Variants in CAMTA1 observed in about 807,000 individuals in gnomAD.
CAMTA1 encodes the protein calmodulin binding transcription activator 1, also known as calmodulin-binding transcription activator 1.
In CAMTA1, 27 loss-of-function variants were observed where a neutral mutation model predicts 170.9. The observed-to-expected ratio is 0.16, with a 90% CI of 0.12 to 0.22. The LOEUF (loss-of-function observed/expected upper bound fraction) is 0.22, where lower values mean the gene tolerates loss of function less well. Ranked by LOEUF, CAMTA1 falls within the 10% of genes least tolerant of loss-of-function variation. The pLI is 1.00. For synonymous variants in CAMTA1, 833 were observed against 891.5 expected (o/e 0.93, Z 1.17); for missense variants, 1,619 against 2,217.2 (o/e 0.73, Z 5.42).
intron 3 of CAMTA1, among the ~76,000 whole-genome samples, chr1:6,958,624 G>A (rs542037393): frequency 7.2e-4 from 109 of 152,332 alleles, no homozygotes; most frequent in Middle Eastern, 3.4e-3. Flanking sequence ...AAATTTGAAT[G>A]TGACGCAATA....
intron 3 of CAMTA1, among the ~76,000 whole-genome samples, chr1:6,930,285 G>T (rs895151982): frequency 6.6e-6 from 1 of 152,114 alleles, no homozygotes; most frequent in Non-Finnish European, 1.5e-5. Context: ...GGGTGCTGGC[G>T]TACCATGTTC....
chr1:7,704,322 G>A (rs1029828255), intron 11 of CAMTA1, among the ~76,000 whole-genome samples: 1 of 145,652 alleles, frequency 6.9e-6, no homozygotes, highest in African/African-American at 2.5e-5. Context: ...GCGGGGCTCC[G>A]GGGGCCGTCG....
chr1:7,560,070 G>A (rs989192021), intron 6 of CAMTA1, among the ~76,000 whole-genome samples: 1 of 152,210 alleles, frequency 6.6e-6, no homozygotes, highest in African/African-American at 2.4e-5. Context: ...GGCTGAGGAT[G>A]GATCTAAATG....
At chr1:7,737,203 T>A in intron 14 of CAMTA1, 52 bp from the exon 15 acceptor site, 4 of 1,568,228 alleles carry the variant, frequency 2.6e-6, no homozygotes, top group Non-Finnish European at 3.5e-6. Flanking sequence ...AAAAGTCAGG[T>A]CTGGTCTTGA....
chr1:7,096,026 G>A (rs1642036186), intron 4 of CAMTA1, among the ~76,000 whole-genome samples: 1 of 152,246 alleles, frequency 6.6e-6, no homozygotes, highest in Admixed American at 6.5e-5. Context: ...GGAAAAGGCT[G>A]TTGATTATCT....
intron 3 of CAMTA1, among the ~76,000 whole-genome samples, chr1:6,885,855 C>T (rs1299236986): frequency 6.6e-6 from 1 of 152,162 alleles, no homozygotes; most frequent in South Asian, 2.1e-4. Flanking sequence ...CTTGCTGTTC[C>T]CTTCTCTGCA....
intron 5 of CAMTA1, among the ~76,000 whole-genome samples, chr1:7,349,509 G>A (rs2084490838): frequency 6.6e-6 from 1 of 152,242 alleles, no homozygotes; most frequent in South Asian, 2.1e-4. Context: ...GCCATGACAA[G>A]GCACCGCACA....
At chr1:7,086,113 G>A (rs1640705489) in intron 3 of CAMTA1, among the ~76,000 whole-genome samples, 1 of 152,108 alleles carries the variant, frequency 6.6e-6, no homozygotes, top group South Asian at 2.1e-4. Context: ...CCATACCTTG[G>A]CGGCCGTTTT....
chr1:7,168,910 G>C (rs1246203261), intron 4 of CAMTA1, among the ~76,000 whole-genome samples: 1 of 152,052 alleles, frequency 6.6e-6, no homozygotes, highest in East Asian at 1.9e-4. Flanking sequence ...TTGCTGTAGG[G>C]GTTTTATTTG....
intron 5 of CAMTA1, among the ~76,000 whole-genome samples, chr1:7,445,845 C>T (rs958659859): frequency 7.2e-5 from 11 of 152,126 alleles, no homozygotes; most frequent in Admixed American, 3.9e-4. Context: ...GAGATGTCAC[C>T]GGATGTCAGC....
chr1:7,579,149 G>A (rs138260321), intron 6 of CAMTA1, among the ~76,000 whole-genome samples: 7 of 152,380 alleles, frequency 4.6e-5, no homozygotes, highest in Non-Finnish European at 8.8e-5. Context: ...GGAGAGGGAC[G>A]TGCCTGGGGG....
rs377264622 is a variant in CAMTA1 at position 7,738,523 on chromosome 1, G to T, written c.4182+41G>T. ...AGGGTAAGCCCGCAGAGGCTGGTGC[G>T]TTCCAGTTGCTGTGATCTTTATGGT... On this transcript the variant is annotated intron_variant, in intron 16 of 22. Coordinates refer to ENST00000303635, the MANE Select transcript of CAMTA1 (RefSeq NM_015215.4). The surrounding 1 kb of genome is among the most constrained non-coding windows in gnomAD (Gnocchi z 4.9). 3 of 1,579,722 alleles carry T rather than the reference G, an allele frequency of 1.9e-6. No individual in the cohort carries two copies. The highest frequency in any genetic ancestry group is 2.6e-6 in the Non-Finnish European group (3 of 1,160,460).
At chr1:7,084,829 G>A (rs1640517560) in intron 3 of CAMTA1, among the ~76,000 whole-genome samples, 1 of 152,156 alleles carries the variant, frequency 6.6e-6, no homozygotes, top group South Asian at 2.1e-4. Context: ...GAAACACACA[G>A]GGACTTAGTA....
chr1:7,137,832 C>T (rs1645629002), intron 4 of CAMTA1, among the ~76,000 whole-genome samples: 1 of 152,204 alleles, frequency 6.6e-6, no homozygotes, highest in South Asian at 2.1e-4. Context: ...CCCTTCTCTC[C>T]ATCTCCCTCC....
intron 3 of CAMTA1, among the ~76,000 whole-genome samples, chr1:6,826,697 G>A (rs560330617): frequency 6.6e-6 from 1 of 152,240 alleles, no homozygotes; most frequent in African/African-American, 2.4e-5. Flanking sequence ...TGTGGAATTG[G>A]CAGCTTATTT....
intron 3 of CAMTA1, among the ~76,000 whole-genome samples, chr1:6,827,241 G>T (rs116134420): frequency 6.6e-6 from 1 of 152,144 alleles, no homozygotes; most frequent in African/African-American, 2.4e-5. Context: ...GTAGAGGAGC[G>T]TATGTTCTGA....
At chr1:7,260,773 G>T (rs561372329) in intron 5 of CAMTA1, among the ~76,000 whole-genome samples, 1 of 152,198 alleles carries the variant, frequency 6.6e-6, no homozygotes, top group Non-Finnish European at 1.5e-5. Flanking sequence ...ATTTGTCCAT[G>T]TTTAAGTATT....
In CAMTA1 at chr1:7,680,420, G is replaced by T. The variant is rs1350409886; in HGVS notation, c.2914+2687G>T. On this transcript the variant is annotated intron_variant, in intron 11 of 22. Coordinates refer to ENST00000303635, the MANE Select transcript of CAMTA1 (RefSeq NM_015215.4). This position sits in a 1 kb window ranked among gnomAD's most constrained non-coding sequence, Gnocchi z 4.4. ...GGGACTGCAGCGCGGAGCAAACTGGGGCACGGCTGCCGGCGGCGCGCGTGC... is the reference window on the plus strand; with the variant it reads ...GGGACTGCAGCGCGGAGCAAACTGGTGCACGGCTGCCGGCGGCGCGCGTGC... Among the ~76,000 whole-genome samples the T allele has an allele frequency of 2.6e-5, 4 of 152,128 alleles. No homozygotes were observed. Among genetic ancestry groups the T allele is most frequent in the African/African-American group, 9.6e-5 (4 of 41,458 alleles).
At chr1:6,818,909 G>A (rs1285969883) in intron 1 of CAMTA1, among the ~76,000 whole-genome samples, 1 of 151,996 alleles carries the variant, frequency 6.6e-6, no homozygotes, top group Admixed American at 6.5e-5. Flanking sequence ...GCAAAGTGTT[G>A]GGATTACAGG....
Sources: gnomAD v4.1 joint callset for allele counts (sites outside exome capture counted in the v4.1 genomes callset) on GRCh38, gnomAD v4.1.1 for gene constraint, Gnocchi (gnomAD v3.1) non-coding constraint, MANE v1.5 for transcripts, NCBI Gene and HGNC (gene_info 2026-07-23, HGNC 2026-07-21) for gene names.